RARB: variants seen among roughly 807,000 people sequenced by gnomAD.
The protein encoded by RARB is retinoic acid receptor beta.
In RARB, 17 loss-of-function variants were observed where a neutral mutation model predicts 51.9. That is an observed-to-expected ratio of 0.33 (90% CI 0.22 to 0.49). The LOEUF (loss-of-function observed/expected upper bound fraction) is 0.49, where lower values mean the gene tolerates loss of function less well. Ranked by LOEUF, RARB falls within the 20% of genes least tolerant of loss-of-function variation. RARB has a pLI of 0.99. For missense variants in RARB, 369 were observed against 550.8 expected, an observed-to-expected ratio of 0.67 and a Z score of 3.30; for synonymous variants, 215 against 195.4, an observed-to-expected ratio of 1.10 and a Z score of -0.84.
chr3:25,404,622 A>G (rs556153602), intron 5 of RARB, among the ~76,000 whole-genome samples: 1 of 152,286 alleles, frequency 6.6e-6, no homozygotes, highest in Admixed American at 6.5e-5. Context: ...GCTGTTTGCA[A>G]GGTTCTTGGC....
chr3:24,845,224 T>A (rs1702471740), intron 1 of RARB, among the ~76,000 whole-genome samples: 1 of 152,210 alleles, frequency 6.6e-6, no homozygotes, highest in African/African-American at 2.4e-5. Flanking sequence ...AAAGGGGACA[T>A]TGATCAATGG....
At position 25,192,595 on chromosome 3, in the gene RARB, C is replaced by A. The variant is rs76187023; in HGVS notation, c.178+18020C>A. Reference sequence around the variant, plus strand: ...GTTCTCTACTTGGGGCAGAACTGTTCCCTAGCAGGCATTTGGAATTATTTA... The same window carrying A: ...GTTCTCTACTTGGGGCAGAACTGTTACCTAGCAGGCATTTGGAATTATTTA... On this transcript the variant is annotated intron_variant, in intron 5 of 11. Transcript: ENST00000383772. 9.9e-3 allele frequency among the ~76,000 whole-genome samples: 1,499 copies of A among 152,120 alleles called. 31 individuals are homozygous for A. Among genetic ancestry groups the A allele is most frequent in the African/African-American group, 0.034 (1,408 of 41,524 alleles).
chr3:25,271,949 T>G (rs1350625413), intron 5 of RARB, among the ~76,000 whole-genome samples: 4 of 152,190 alleles, frequency 2.6e-5, no homozygotes, highest in African/African-American at 9.7e-5. Flanking sequence ...TTGGGAGAGT[T>G]CTGAGAACTT....
chr3:24,953,432 G>A (rs1470931657), intron 2 of RARB, among the ~76,000 whole-genome samples: 2 of 152,184 alleles, frequency 1.3e-5, no homozygotes, highest in African/African-American at 4.8e-5. Context: ...GCCTCACTTA[G>A]TACCCCTGAG....
At position 25,500,454 on chromosome 3, in the gene RARB, G is replaced by GTTTTTTTTTT. The variant is rs753321842; in HGVS notation, c.307-710_307-701dup. ...ATAATTTCTTTTTCTTTCTTTTCTT[G>GTTTTTTTTTT]TTTTTTTTTTTTTTTTTTTTTTTTT... On this transcript the variant is annotated intron_variant, in intron 2 of 7. Coordinates refer to ENST00000330688, the MANE Select transcript of RARB (RefSeq NM_000965.5). Among the ~76,000 whole-genome samples the GTTTTTTTTTT allele has an allele frequency of 4.8e-3, 315 of 66,016 alleles. 9 individuals carry two copies. Among genetic ancestry groups the GTTTTTTTTTT allele is most frequent in the East Asian group, 0.016 (25 of 1,608 alleles). 43.3% of individuals were successfully genotyped at this position (66,016 alleles called of 152,430 possible). A position where few individuals can be genotyped will look rare whatever the true frequency, so the allele number is the denominator to read the frequency against.
chr3:24,839,463 G>T (rs1055883010), intron 1 of RARB, among the ~76,000 whole-genome samples: 3 of 151,862 alleles, frequency 2.0e-5, no homozygotes, highest in Non-Finnish European at 4.4e-5. Context: ...GACACTTTGG[G>T]CTGAGGTGAG....
intron 2 of RARB, among the ~76,000 whole-genome samples, chr3:25,491,601 T>G (rs983328834): frequency 1.1e-4 from 16 of 152,224 alleles, no homozygotes; most frequent in African/African-American, 3.9e-4. Context: ...CTACATAATT[T>G]GCAGGACTTT....
chr3:25,349,304 G>A (rs894098009), intron 5 of RARB, among the ~76,000 whole-genome samples: 1 of 152,182 alleles, frequency 6.6e-6, no homozygotes, highest in African/African-American at 2.4e-5. Context: ...TTGTCCGTCT[G>A]TTTGAACAAG....
chr3:25,558,841 C>T (rs1273612609), intron 3 of RARB, among the ~76,000 whole-genome samples: 2 of 152,076 alleles, frequency 1.3e-5, no homozygotes, highest in South Asian at 2.1e-4. Flanking sequence ...ACCTCTAAGT[C>T]GTCTTCTTCA....
At chr3:25,018,557 T>C (rs2125283565) in intron 2 of RARB, among the ~76,000 whole-genome samples, 1 of 152,282 alleles carries the variant, frequency 6.6e-6, no homozygotes, top group African/African-American at 2.4e-5. Flanking sequence ...CTGTCACTAA[T>C]AATAGGCAAC....
chr3:25,110,621 G>A (rs986211753), intron 3 of RARB, among the ~76,000 whole-genome samples: 1 of 152,192 alleles, frequency 6.6e-6, no homozygotes, highest in Non-Finnish European at 1.5e-5. Flanking sequence ...TAGTCCTGTA[G>A]CTACAGCTAG....
At chr3:24,908,088 A>G (rs1559391462) in intron 2 of RARB, among the ~76,000 whole-genome samples, 1 of 152,128 alleles carries the variant, frequency 6.6e-6, no homozygotes, top group Non-Finnish European at 1.5e-5. Flanking sequence ...CTATGTATGT[A>G]TAAGTGCTGT....
At chr3:25,140,605 A>C (rs1451615287) in intron 4 of RARB, among the ~76,000 whole-genome samples, 3 of 152,188 alleles carry the variant, frequency 2.0e-5, no homozygotes, top group African/African-American at 7.2e-5. Flanking sequence ...TTGAAATGAC[A>C]ACGAAACATT....
intron 5 of RARB, among the ~76,000 whole-genome samples, chr3:25,587,913 C>T (rs186363267): frequency 2.6e-5 from 4 of 152,268 alleles, no homozygotes; most frequent in Admixed American, 2.6e-4. Context: ...TTGATGCCTC[C>T]CTCTGAGGTT....
intron 5 of RARB, among the ~76,000 whole-genome samples, chr3:25,584,618 G>C (rs1256056224): frequency 6.6e-6 from 1 of 152,150 alleles, no homozygotes; most frequent in Non-Finnish European, 1.5e-5. Flanking sequence ...GTGCCTGGAA[G>C]GGAGTGAGCC....
At chr3:25,430,644 G>T (rs531716694) in intron 1 of RARB, among the ~76,000 whole-genome samples, 1 of 152,202 alleles carries the variant, frequency 6.6e-6, no homozygotes, top group Non-Finnish European at 1.5e-5. Context: ...TAGGGAGAGC[G>T]AGCGGTGAAT....
At chr3:25,165,361 C>T (rs189319594) in intron 4 of RARB, among the ~76,000 whole-genome samples, 1 of 152,236 alleles carries the variant, frequency 6.6e-6, no homozygotes, top group Admixed American at 6.5e-5. Flanking sequence ...AGTCTTCTCT[C>T]TCTGTCTTTC....
chr3:24,892,070 A>T (rs1478941050), intron 2 of RARB, among the ~76,000 whole-genome samples: 2 of 152,102 alleles, frequency 1.3e-5, no homozygotes, highest in East Asian at 3.9e-4. Context: ...GGGGAGACAG[A>T]TGATGGGTTA....
chr3:24,887,490 T>C (rs1180644516), intron 2 of RARB, among the ~76,000 whole-genome samples: 7 of 152,198 alleles, frequency 4.6e-5, no homozygotes, highest in Admixed American at 3.3e-4. Flanking sequence ...CTTTGATCTA[T>C]TTTATGATAG....
Sources: allele counts gnomAD v4.1 joint callset (sites outside exome capture counted in the v4.1 genomes callset), GRCh38; gene constraint gnomAD v4.1.1; transcripts MANE v1.5; gene names NCBI Gene and HGNC (gene_info 2026-07-23, HGNC 2026-07-21).